ETV6: variants seen among roughly 807,000 people sequenced by gnomAD.
ETV6 encodes ETS variant transcription factor 6, also known as transcription factor ETV6.
A neutral mutation model predicts 51.1 loss-of-function variants in ETV6; 16 were observed. That is an observed-to-expected ratio of 0.31 (90% CI 0.21 to 0.48). The LOEUF (loss-of-function observed/expected upper bound fraction) is 0.48, where lower values mean the gene tolerates loss of function less well. Among genes scored for constraint, ETV6 ranks in the 20% least tolerant of loss-of-function variants. The pLI, the probability that ETV6 is intolerant of heterozygous loss-of-function variation, is 0.99. For missense variants in ETV6, 458 were observed against 594.8 expected, an observed-to-expected ratio of 0.77 and a Z score of 2.39; for synonymous variants, 240 against 224.1, an observed-to-expected ratio of 1.07 and a Z score of -0.64.
chr12:11,871,381 GGGGTTTC>G (rs1946879660), intron 5 of ETV6, among the ~76,000 whole-genome samples: 1 of 151,914 alleles, frequency 6.6e-6, no homozygotes. Context: ...TAGTAGAGAC[GGGGTTTC>G]ACCATGTTAG....
intron 2 of ETV6, among the ~76,000 whole-genome samples, chr12:11,782,178 CTT>C (rs1227517167): frequency 6.6e-6 from 1 of 152,188 alleles, no homozygotes; most frequent in African/African-American, 2.4e-5. Context: ...TCTGTAAAAT[CTT>C]TACCAAGTAC....
intron 1 of ETV6, among the ~76,000 whole-genome samples, chr12:11,675,761 C>G (rs1864410843): frequency 6.6e-6 from 1 of 152,096 alleles, no homozygotes; most frequent in Non-Finnish European, 1.5e-5. Context: ...CTGCAGTGAG[C>G]TATGATCATG....
At chr12:11,769,916 C>A (rs1037299798) in intron 2 of ETV6, among the ~76,000 whole-genome samples, 2 of 152,164 alleles carry the variant, frequency 1.3e-5, no homozygotes, top group Non-Finnish European at 2.9e-5. Flanking sequence ...TGTCTCTTAC[C>A]TGTGCCCTTG....
intron 3 of ETV6, among the ~76,000 whole-genome samples, chr12:11,843,917 A>T (rs749622689): frequency 1.2e-4 from 18 of 152,176 alleles, no homozygotes; most frequent in Non-Finnish European, 2.5e-4. Context: ...ATAACAGATG[A>T]CAAGTTTATA....
At chr12:11,724,190 A>G (rs1287532955) in intron 1 of ETV6, among the ~76,000 whole-genome samples, 5 of 152,214 alleles carry the variant, frequency 3.3e-5, no homozygotes. Flanking sequence ...CTTGCAGCTC[A>G]GGTTTCCCCT....
At position 11,740,927 on chromosome 12, in the gene ETV6, C is replaced by A. The variant is rs533325696; in HGVS notation, c.34-11523C>A. On this transcript the variant is annotated intron_variant, in intron 1 of 7. Coordinates refer to ENST00000396373, the MANE Select transcript of ETV6 (RefSeq NM_001987.5). Reference sequence around the variant, plus strand: ...TCATTCAGGGATCTTCTTAGCCCTTCAACCTCAATTTCTACATCTGTGAGG... The same window carrying A: ...TCATTCAGGGATCTTCTTAGCCCTTAAACCTCAATTTCTACATCTGTGAGG... 1.1e-4 allele frequency among the ~76,000 whole-genome samples: 16 copies of A among 152,334 alleles called. No homozygotes were observed. In the East Asian group the frequency reaches 3.1e-3, roughly 29 times the overall value.
chr12:11,650,218 G>T (rs980781956), intron 1 of ETV6, 58 bp downstream of exon 1: 23 of 1,490,258 alleles, frequency 1.5e-5, no homozygotes, highest in Non-Finnish European at 1.9e-5. Context: ...ACCGGCCAGG[G>T]CAGTCGTGCT....
chr12:11,894,484 G>A lies in ETV6; in HGVS notation c.*3438G>A, dbSNP rs1235432839. ...ATCACCAATGTTCCAAATCCTTTAG[G>A]GAGATGAGGGTATCCCCACAGAAAA... On this transcript the variant is annotated 3_prime_UTR_variant, in exon 8 of 8. Coordinates refer to ENST00000396373, the MANE Select transcript of ETV6 (RefSeq NM_001987.5). 6 of 233,060 alleles carry A rather than the reference G, an allele frequency of 2.6e-5. No individual in the cohort carries two copies. Among genetic ancestry groups the A allele is most frequent in the African/African-American group, 4.4e-5 (2 of 45,312 alleles). 14.4% of individuals were successfully genotyped at this position (233,060 alleles called of 1,614,324 possible).
At chr12:11,880,034 A>G (rs1304645520) in intron 5 of ETV6, among the ~76,000 whole-genome samples, 1 of 130,560 alleles carries the variant, frequency 7.7e-6, no homozygotes, top group Non-Finnish European at 1.5e-5. Context: ...CAATTGTTTA[A>G]AAAAAAAAAA....
Position 11,685,322 on chromosome 12 carries a change from GA to G in ETV6, c.33+35177del, listed in dbSNP as rs542402101. Among the ~76,000 whole-genome samples the G allele has an allele frequency of 7.5e-3, 710 of 94,064 alleles. 6 individuals are homozygous for G. The highest frequency in any genetic ancestry group is 0.026 in the East Asian group (87 of 3,408). The allele number at this position is 94,064 out of a possible 152,430, so 61.7% of individuals were successfully genotyped here. On this transcript the variant is annotated intron_variant, in intron 1 of 7. Coordinates refer to ENST00000396373, the MANE Select transcript of ETV6 (RefSeq NM_001987.5). ...TGCTTCATTGTCCATGAACATTTCA[GA>G]AAAAAAAAAAAAAAGGAAAAAAAGA...
chr12:11,800,824 A>G (rs1945737578), intron 2 of ETV6, among the ~76,000 whole-genome samples: 1 of 152,166 alleles, frequency 6.6e-6, no homozygotes, highest in African/African-American at 2.4e-5. Context: ...AATCCAGCTA[A>G]TAGGGAGGCT....
intron 4 of ETV6, among the ~76,000 whole-genome samples, chr12:11,857,919 A>G (rs1271596430): frequency 3.3e-5 from 5 of 152,224 alleles, no homozygotes; most frequent in Admixed American, 6.5e-5. Context: ...CCTGGGTGAT[A>G]TGAAGATAAG....
chr12:11,871,427 C>T lies in ETV6; in HGVS notation c.1009+1458C>T, dbSNP rs530301649. Reference sequence around the variant, plus strand: ...GGATGGTCTTGATCTCCTGACCTCGCGATCCGCCTGCGTCGGCCTCCTAAA... The same window carrying T: ...GGATGGTCTTGATCTCCTGACCTCGTGATCCGCCTGCGTCGGCCTCCTAAA... On this transcript the variant is annotated intron_variant, in intron 5 of 7. Coordinates refer to ENST00000396373, the MANE Select transcript of ETV6 (RefSeq NM_001987.5). Among the ~76,000 whole-genome samples the T allele has an allele frequency of 1.2e-3, 182 of 152,044 alleles. 3 individuals carry two copies. Among genetic ancestry groups the T allele is most frequent in the Non-Finnish European group, 2.0e-3 (134 of 67,978 alleles).
intron 2 of ETV6, among the ~76,000 whole-genome samples, chr12:11,822,137 C>T (rs1450279812): frequency 6.6e-6 from 1 of 152,170 alleles, no homozygotes; most frequent in African/African-American, 2.4e-5. Context: ...TCTCATTCAC[C>T]TTGACATGCC....
At chr12:11,755,587 G>A (rs1944996151) in intron 2 of ETV6, among the ~76,000 whole-genome samples, 1 of 152,120 alleles carries the variant, frequency 6.6e-6, no homozygotes, top group South Asian at 2.1e-4. Flanking sequence ...GGAGCATATA[G>A]CCCCTACGAT....
intron 1 of ETV6, among the ~76,000 whole-genome samples, chr12:11,674,559 C>T (rs77760784): frequency 0.013 from 1,948 of 151,552 alleles, 28 homozygotes; most frequent in Middle Eastern, 0.048. Flanking sequence ...CCTTCTGTGG[C>T]GCTGCTAAAA....
chr12:11,681,369 T>C (rs1304746888), intron 1 of ETV6, among the ~76,000 whole-genome samples: 2 of 152,180 alleles, frequency 1.3e-5, no homozygotes, highest in African/African-American at 4.8e-5. Context: ...GTATTTTTGG[T>C]TTCTATGTAT....
Position 11,808,282 on chromosome 12 carries a change from A to T in ETV6, c.164-30858A>T, listed in dbSNP as rs1302928264. On this transcript the variant is annotated intron_variant, in intron 2 of 7. Transcript: ENST00000396373. ...ATGTGAATTTCATATTTTTCTTTAC[A>T]ATTCTAGCCACCTCCACCAATCTAC... Among the ~76,000 whole-genome samples the T allele has an allele frequency of 2.0e-5, 3 of 152,176 alleles. No individual in the cohort carries two copies. The East Asian group carries it at 5.8e-4, about 29-fold the overall frequency.
intron 1 of ETV6, among the ~76,000 whole-genome samples, chr12:11,702,137 G>GT (rs1159291152): frequency 3.3e-5 from 5 of 152,164 alleles, no homozygotes; most frequent in African/African-American, 1.2e-4. Flanking sequence ...AGACCACTGT[G>GT]TGGGGCAAAT....
Sources: gnomAD v4.1 joint callset for allele counts (sites outside exome capture counted in the v4.1 genomes callset) on GRCh38, gnomAD v4.1.1 for gene constraint, MANE v1.5 for transcripts, NCBI Gene and HGNC (gene_info 2026-07-23, HGNC 2026-07-21) for gene names.